The following C13orf42 variants were observed in gnomAD, a reference collection of about 807,000 sequenced individuals.
The protein encoded by C13orf42 is uncharacterized protein C13orf42.
rs2138003923 is a variant in C13orf42 at position 51,111,048 on chromosome 13, C to CT, written c.161dup (p.Lys55GlufsTer7). 2.5e-6 allele frequency: 1 copy of CT among 398,724 alleles called. No individual in the cohort carries two copies. Among genetic ancestry groups the CT allele is most frequent in the African/African-American group, 2.1e-5 (1 of 48,762 alleles). The allele number at this position is 398,724 out of a possible 1,614,324, so 24.7% of individuals were successfully genotyped here. On this transcript the variant is annotated frameshift_variant, in exon 1 of 4. Coordinates refer to ENST00000563710, the MANE Select transcript of C13orf42 (RefSeq NM_001351589.3). LOFTEE classifies it high-confidence loss of function. Reference sequence around the variant, plus strand: ...CCATGCTACTGGTGCTTTTGTACTTCTTTAAGGACTCGCTGAATTTCTCCC... The same window carrying CT: ...CCATGCTACTGGTGCTTTTGTACTTCTTTTAAGGACTCGCTGAATTTCTCCC...
upstream of C13orf42, among the ~76,000 whole-genome samples, chr13:51,114,359 CTA>C (rs1953465083): frequency 1.3e-5 from 2 of 152,308 alleles, no homozygotes; most frequent in Admixed American, 1.3e-4. Flanking sequence ...AAATGAGATA[CTA>C]TATCCTTTGC....
At chr13:51,136,033 AG>A (rs1425040492) in intron 1 of C13orf42, among the ~76,000 whole-genome samples, 1 of 152,160 alleles carries the variant, frequency 6.6e-6, no homozygotes, top group African/African-American at 2.4e-5. Flanking sequence ...CTAGGGGCCA[AG>A]GTCACGGGTG....
intron 1 of C13orf42, among the ~76,000 whole-genome samples, chr13:51,135,783 A>C (rs1037676274): frequency 2.0e-5 from 3 of 152,086 alleles, no homozygotes; most frequent in Admixed American, 6.6e-5. Flanking sequence ...TCTGCCTTCA[A>C]TCTGCCTTCA....
intron 2 of C13orf42, among the ~76,000 whole-genome samples, chr13:51,086,481 T>C (rs972768478): frequency 6.6e-6 from 1 of 151,254 alleles, no homozygotes; most frequent in Non-Finnish European, 1.5e-5. Context: ...TGAGAGTGTG[T>C]GTGTGTAAGA....
At chr13:51,098,798 A>C (rs1222108084) in intron 1 of C13orf42, among the ~76,000 whole-genome samples, 2 of 152,172 alleles carry the variant, frequency 1.3e-5, no homozygotes, top group Non-Finnish European at 2.9e-5. Context: ...GGGCAAATAT[A>C]TTGTCTTTAT....
chr13:51,128,998 C>T (rs1190484415), intron 1 of C13orf42, among the ~76,000 whole-genome samples: 2 of 152,190 alleles, frequency 1.3e-5, no homozygotes, highest in East Asian at 1.9e-4. Flanking sequence ...AGGTGGATGT[C>T]GACCAGGCAT....
chr13:51,086,502 G>A lies in C13orf42; in HGVS notation c.563-943C>T, dbSNP rs59682952. ...TGTGTGTGTGTAAGAGAGTGTGTGT[G>A]TGAGAGAGAGAGTGTGTGTGTGTGT... On this transcript the variant is annotated intron_variant, in intron 2 of 3. Coordinates refer to ENST00000563710, the MANE Select transcript of C13orf42 (RefSeq NM_001351589.3). 5.4e-3 allele frequency among the ~76,000 whole-genome samples: 822 copies of A among 150,996 alleles called. 6 individuals are homozygous for A. The highest frequency in any genetic ancestry group is 0.019 in the African/African-American group (759 of 40,420).
chr13:51,124,797 C>T (rs1953562849), intron 1 of C13orf42, among the ~76,000 whole-genome samples: 1 of 152,156 alleles, frequency 6.6e-6, no homozygotes, highest in Admixed American at 6.5e-5. Context: ...TCTGACCTTC[C>T]AGCTGCTTCC....
chr13:51,133,564 T>A (rs1953635288), intron 1 of C13orf42, among the ~76,000 whole-genome samples: 1 of 152,032 alleles, frequency 6.6e-6, no homozygotes, highest in African/African-American at 2.4e-5. Context: ...ATTAAATATA[T>A]ATTTTTTAAT....
intron 1 of C13orf42, among the ~76,000 whole-genome samples, chr13:51,145,718 A>G (rs957511899): frequency 8.9e-6 from 1 of 112,704 alleles, no homozygotes; most frequent in Non-Finnish European, 1.9e-5. Context: ...GAGAAACTCA[A>G]AAGAATATAA....
intron 1 of C13orf42, among the ~76,000 whole-genome samples, chr13:51,153,251 T>A (rs998371748): frequency 2.6e-5 from 4 of 152,002 alleles, no homozygotes; most frequent in African/African-American, 9.7e-5. Context: ...TCCTGCTCCC[T>A]CCATAGGGTC....
At chr13:51,167,455 G>A (rs2138054105) in intron 1 of C13orf42, among the ~76,000 whole-genome samples, 1 of 152,256 alleles carries the variant, frequency 6.6e-6, no homozygotes, top group East Asian at 1.9e-4. Context: ...TAGGTACAAA[G>A]CCCATGACTC....
chr13:51,166,098 C>T (rs1033331047), intron 1 of C13orf42, among the ~76,000 whole-genome samples: 2 of 152,148 alleles, frequency 1.3e-5, no homozygotes, highest in African/African-American at 2.4e-5. Flanking sequence ...CTCTAACTTA[C>T]ATAACATCAG....
chr13:51,165,138 A>G (rs1953893919), intron 1 of C13orf42, among the ~76,000 whole-genome samples: 1 of 152,110 alleles, frequency 6.6e-6, no homozygotes, highest in South Asian at 2.1e-4. Flanking sequence ...TCTGCCTTCT[A>G]TTCGGGTTCA....
At chr13:51,092,861 T>C (rs1166186387) in intron 1 of C13orf42, among the ~76,000 whole-genome samples, 2 of 152,142 alleles carry the variant, frequency 1.3e-5, no homozygotes, top group African/African-American at 2.4e-5. Context: ...ATGAACCCCA[T>C]ATACTCATCA....
intron 1 of C13orf42, among the ~76,000 whole-genome samples, chr13:51,153,630 C>CTTTTTTTTTTTTTTTTTTT (rs1206289963): frequency 5.3e-4 from 43 of 81,250 alleles, no homozygotes; most frequent in South Asian, 8.7e-4. Context: ...TGTTTTTTTT[C>CTTTTTTTTTTTTTTTTTTT]TTTTTTTTTT....
intron 1 of C13orf42, among the ~76,000 whole-genome samples, chr13:51,165,313 G>T (rs1204108156): frequency 1.3e-5 from 2 of 152,106 alleles, no homozygotes; most frequent in African/African-American, 2.4e-5. Flanking sequence ...AGCCCCTTCA[G>T]GCTCTCCACT....
intron 1 of C13orf42, among the ~76,000 whole-genome samples, chr13:51,144,267 T>G (rs957843370): frequency 4.6e-5 from 7 of 152,196 alleles, no homozygotes; most frequent in Non-Finnish European, 7.3e-5. Flanking sequence ...ATTAACTGCA[T>G]GGACTTAACC....
At chr13:51,106,942 A>C (rs1953363387) in intron 1 of C13orf42, among the ~76,000 whole-genome samples, 1 of 152,226 alleles carries the variant, frequency 6.6e-6, no homozygotes, top group African/African-American at 2.4e-5. Context: ...TTTGATTTTA[A>C]AATGTTGCAA....
Sources: allele counts gnomAD v4.1 joint callset (sites outside exome capture counted in the v4.1 genomes callset), GRCh38; gene constraint gnomAD v4.1.1; transcripts MANE v1.5; gene names NCBI Gene and HGNC (gene_info 2026-07-23, HGNC 2026-07-21).